Variants in HIP1 observed in about 807,000 individuals in gnomAD.
The protein encoded by HIP1 is huntingtin interacting protein 1.
In HIP1, 65 loss-of-function variants were observed where a neutral mutation model predicts 147.6. The observed-to-expected ratio is 0.44, with a 90% CI of 0.36 to 0.54. HIP1 has a LOEUF of 0.54. HIP1 is among the 20% of genes least tolerant of loss of function. HIP1 has a pLI of 0.00. For synonymous variants in HIP1, 479 were observed against 504.0 expected (o/e 0.95, Z 0.67); for missense variants, 1,061 against 1,299.6 (o/e 0.82, Z 2.82).
chr7:75,633,054 C>T (rs919944426), intron 1 of HIP1, among the ~76,000 whole-genome samples: 1 of 152,030 alleles, frequency 6.6e-6, no homozygotes, highest in African/African-American at 2.4e-5. Flanking sequence ...GGATGTTGGG[C>T]TTAACACGTA....
chr7:75,646,153 C>T (rs1244503040), intron 1 of HIP1, among the ~76,000 whole-genome samples: 3 of 152,104 alleles, frequency 2.0e-5, no homozygotes, highest in African/African-American at 7.2e-5. Context: ...AATCTCAGCT[C>T]ACTGCAACCT....
In HIP1 at chr7:75,602,447, C is replaced by T. The variant is rs1288500058; in HGVS notation, c.121-3200G>A. Among the ~76,000 whole-genome samples the T allele has an allele frequency of 6.0e-5, 9 of 149,572 alleles. No homozygotes were observed. In the Admixed American group the frequency reaches 6.1e-4, roughly 10 times the overall value. ...TCTCAAGTAGCTGGGACTATAGCTGCACACTGCCACATCCAGCTGCTGTTT... is the reference window on the plus strand; with the variant it reads ...TCTCAAGTAGCTGGGACTATAGCTGTACACTGCCACATCCAGCTGCTGTTT... On this transcript the variant is annotated intron_variant, in intron 1 of 30. Transcript: ENST00000336926.
At chr7:75,644,428 C>T (rs946219467) in intron 1 of HIP1, among the ~76,000 whole-genome samples, 12 of 152,006 alleles carry the variant, frequency 7.9e-5, no homozygotes, top group Admixed American at 2.0e-4. Flanking sequence ...CCAAGTAGCT[C>T]GGATTACAGG....
At chr7:75,681,127 G>A (rs1800050413) in intron 1 of HIP1, among the ~76,000 whole-genome samples, 1 of 151,784 alleles carries the variant, frequency 6.6e-6, no homozygotes, top group Non-Finnish European at 1.5e-5. Flanking sequence ...TGGTCAGGCT[G>A]GTCTTGACCT....
intron 1 of HIP1, among the ~76,000 whole-genome samples, chr7:75,617,745 G>A (rs756022699): frequency 5.4e-4 from 82 of 152,292 alleles, no homozygotes; most frequent in Non-Finnish European, 9.4e-4. Flanking sequence ...CTGTGGCTTC[G>A]AAAGGGGCTC....
At chr7:75,649,058 CTT>C (rs1448083878) in intron 1 of HIP1, among the ~76,000 whole-genome samples, 2 of 151,492 alleles carry the variant, frequency 1.3e-5, no homozygotes, top group African/African-American at 4.9e-5. Flanking sequence ...GAGTTTTGCT[CTT>C]GTTACCCAGG....
At chr7:75,630,378 G>C (rs1484665836) in intron 1 of HIP1, among the ~76,000 whole-genome samples, 1 of 150,842 alleles carries the variant, frequency 6.6e-6, no homozygotes, top group Admixed American at 6.6e-5. Context: ...AGAATCACTT[G>C]AGCCTGAGAG....
At chr7:75,558,108 C>T in intron 15 of HIP1, 59 bp downstream of exon 15, 1 of 1,419,794 alleles carries the variant, frequency 7.0e-7, no homozygotes, top group Non-Finnish European at 1.0e-6. Flanking sequence ...CAGGCCTGAG[C>T]CGCTCTCTCC....
rs552431316 is a variant in HIP1 at position 75,687,640 on chromosome 7, G to A, written c.120+51161C>T. ...CAGGAGGCAGAGGTTGCAGTGAGCC[G>A]AGATGGCGCCATTGCACTCCAGCCT... On this transcript the variant is annotated intron_variant, in intron 1 of 30. Coordinates refer to ENST00000336926, the MANE Select transcript of HIP1 (RefSeq NM_005338.7). 2.7e-3 allele frequency among the ~76,000 whole-genome samples: 414 copies of A among 152,254 alleles called. 3 individuals are homozygous for A. The highest frequency in any genetic ancestry group is 9.5e-3 in the African/African-American group (394 of 41,556).
chr7:75,687,923 T>A (rs1800320399), intron 1 of HIP1, among the ~76,000 whole-genome samples: 1 of 152,104 alleles, frequency 6.6e-6, no homozygotes, highest in South Asian at 2.1e-4. Context: ...CTGCTGAATT[T>A]TCTCTCTGGA....
intron 1 of HIP1, among the ~76,000 whole-genome samples, chr7:75,681,221 T>A (rs534685914): frequency 1.3e-5 from 2 of 152,022 alleles, no homozygotes; most frequent in African/African-American, 4.8e-5. Context: ...TGATAAAATA[T>A]AACTTTCTCA....
intron 4 of HIP1, among the ~76,000 whole-genome samples, chr7:75,591,738 A>G (rs1361317950): frequency 6.6e-6 from 1 of 151,758 alleles, no homozygotes; most frequent in Non-Finnish European, 1.5e-5. Flanking sequence ...AAAAAAAAAA[A>G]AAGCAGGAAA....
chr7:75,594,602 C>T (rs1317170132), intron 2 of HIP1, among the ~76,000 whole-genome samples: 3 of 152,028 alleles, frequency 2.0e-5, no homozygotes, highest in East Asian at 1.9e-4. Context: ...GGTGAAACCC[C>T]GTCTCTACTA....
intron 1 of HIP1, among the ~76,000 whole-genome samples, chr7:75,629,566 G>A (rs1325579992): frequency 1.7e-4 from 25 of 147,916 alleles, no homozygotes; most frequent in African/African-American, 6.2e-4. Context: ...TTTTTGAGAT[G>A]GAGTCTTGCT....
chr7:75,538,283 CCAA>C, intron 30 of HIP1, 59 bp from the exon 31 acceptor site: 2 of 1,305,828 alleles, frequency 1.5e-6, no homozygotes, highest in Non-Finnish European at 2.2e-6. Flanking sequence ...ATTCACTTAA[CCAA>C]CAAAACCTGC....
chr7:75,693,912 CTCTTT>C (rs1468576426), intron 1 of HIP1, among the ~76,000 whole-genome samples: 3 of 112,590 alleles, frequency 2.7e-5, no homozygotes, highest in South Asian at 5.8e-4. Context: ...CTATCCAATT[CTCTTT>C]TCTTTTTTTT....
intron 1 of HIP1, among the ~76,000 whole-genome samples, chr7:75,709,579 G>C (rs1186160084): frequency 2.0e-5 from 3 of 152,044 alleles, no homozygotes; most frequent in Non-Finnish European, 4.4e-5. Flanking sequence ...ACTTTTTGGT[G>C]GTATCCTTAG....
intron 1 of HIP1, among the ~76,000 whole-genome samples, chr7:75,616,609 G>GGAA (rs1237786579): frequency 1.0e-5 from 1 of 98,720 alleles, no homozygotes; most frequent in African/African-American, 2.8e-5. Flanking sequence ...AGGAGGAGGA[G>GGAA]GAGGAAGAGG....
At chr7:75,723,329 G>A (rs1409236760) in intron 1 of HIP1, among the ~76,000 whole-genome samples, 1 of 152,088 alleles carries the variant, frequency 6.6e-6, no homozygotes, top group Admixed American at 6.6e-5. Flanking sequence ...CCGAGATCGC[G>A]CCATTGCACT....
Sources: allele counts gnomAD v4.1 joint callset (sites outside exome capture counted in the v4.1 genomes callset), GRCh38; gene constraint gnomAD v4.1.1; transcripts MANE v1.5; gene names NCBI Gene and HGNC (gene_info 2026-07-23, HGNC 2026-07-21).